The following PAXIP1 variants were observed in gnomAD, a reference collection of about 807,000 sequenced individuals.
PAXIP1 encodes the protein PAX-interacting protein 1.
In PAXIP1, 19 loss-of-function variants were observed where a neutral mutation model predicts 140.6. That is an observed-to-expected ratio of 0.14 (90% CI 0.09 to 0.20). The LOEUF (loss-of-function observed/expected upper bound fraction) is 0.20. PAXIP1 is among the 10% of genes least tolerant of loss of function. The pLI is 1.00. For synonymous variants in PAXIP1, 442 were observed against 444.6 expected (o/e 0.99, Z 0.07); for missense variants, 920 against 1,208.6 (o/e 0.76, Z 3.54).
rs139285918 is a variant in PAXIP1, at chr7:154,960,670, T to A, written c.2434+223A>T. Among the ~76,000 whole-genome samples, 112 of 151,080 alleles carry A rather than the reference T, an allele frequency of 7.4e-4. No individual in the cohort carries two copies. In the East Asian group the frequency reaches 0.018, roughly 24 times the overall value. On this transcript the variant is annotated intron_variant, in intron 12 of 20. Transcript: ENST00000404141. ...CAACCTGGGTGACAAAGCGAGACCC[T>A]GTCTCAAAACAAAAACAAAAACAAA...
chr7:154,990,739 CTT>C (rs1810292606), intron 4 of PAXIP1, among the ~76,000 whole-genome samples: 1 of 152,090 alleles, frequency 6.6e-6, no homozygotes, highest in Non-Finnish European at 1.5e-5. Context: ...TCCTTGTCAT[CTT>C]TTAATTTCAT....
At chr7:155,000,288 CACTTT>C (rs1468543567) in intron 1 of PAXIP1, 3 of 152,212 alleles carry the variant, frequency 2.0e-5, no homozygotes, top group Non-Finnish European at 4.4e-5. Flanking sequence ...GGCCATGGGC[CACTTT>C]ACCTTTCTTC....
In PAXIP1 at chr7:155,002,945, G is replaced by A. The variant is rs1563397760; in HGVS notation, c.-16C>T. 2 of 1,241,602 alleles carry A rather than the reference G, an allele frequency of 1.6e-6. No homozygotes were observed. The highest frequency in any genetic ancestry group is 2.1e-6 in the Non-Finnish European group (2 of 965,380). 76.9% of individuals were successfully genotyped at this position (1,241,602 alleles called of 1,614,324 possible). ...GGTCCGACATGATCGCGGCGGCCCG[G>A]GAGGCTCCGCGGCGGCGCCCGGCCC... On this transcript the variant is annotated 5_prime_UTR_variant, in exon 1 of 21. Coordinates refer to ENST00000404141, the MANE Select transcript of PAXIP1 (RefSeq NM_007349.4).
At chr7:154,993,218 C>T (rs967313756) in intron 3 of PAXIP1, among the ~76,000 whole-genome samples, 2 of 152,166 alleles carry the variant, frequency 1.3e-5, no homozygotes, top group Admixed American at 1.3e-4. Context: ...ACGAACAATG[C>T]AAGCAAGGAA....
chr7:154,968,556 TCTG>T lies in PAXIP1; in HGVS notation c.1642_1644del (p.Gln548del), dbSNP rs141168451. 1,166 of 668,552 alleles carry T rather than the reference TCTG, an allele frequency of 1.7e-3. 1 individual carries two copies. Among genetic ancestry groups the T allele is most frequent in the South Asian group, 2.5e-3 (147 of 58,644 alleles). 41.4% of individuals were successfully genotyped at this position (668,552 alleles called of 1,614,324 possible). Reference sequence around the variant, plus strand: ...AAGTGTGGCGCTGTCTGACTTTGCATCTGCTGCTGCTGCTGCTGCTGGTGCATG... The same window carrying T: ...AAGTGTGGCGCTGTCTGACTTTGCATCTGCTGCTGCTGCTGCTGGTGCATG... On this transcript the variant is annotated inframe_deletion, in exon 7 of 21. Transcript: ENST00000404141.
chr7:154,954,729 C>CA lies in PAXIP1; in HGVS notation c.2653-307dup, dbSNP rs1308061152. Among the ~76,000 whole-genome samples, 2 of 152,180 alleles carry CA rather than the reference C, an allele frequency of 1.3e-5. No individual in the cohort carries two copies. Among genetic ancestry groups the CA allele is most frequent in the Non-Finnish European group, 2.9e-5 (2 of 68,032 alleles). On this transcript the variant is annotated intron_variant, in intron 15 of 20. Transcript: ENST00000404141. This position sits in a 1 kb window ranked among gnomAD's most constrained non-coding sequence, Gnocchi z 5.1. Reference sequence around the variant, plus strand: ...TAAATGACATGAGAATGATGCAGCTCACTTCACAATGAAGAGTAAACAGCC... The same window carrying CA: ...TAAATGACATGAGAATGATGCAGCTCAACTTCACAATGAAGAGTAAACAGCC...
chr7:154,984,504 C>T (rs1450455124), intron 4 of PAXIP1, among the ~76,000 whole-genome samples: 3 of 152,204 alleles, frequency 2.0e-5, no homozygotes, highest in Admixed American at 6.5e-5. Context: ...TGTTCATCTA[C>T]TCTCATCCAT....
At chr7:154,995,312 A>G (rs969472770) in intron 2 of PAXIP1, among the ~76,000 whole-genome samples, 3 of 152,172 alleles carry the variant, frequency 2.0e-5, no homozygotes, top group South Asian at 2.1e-4. Flanking sequence ...CCTTACAACC[A>G]TCCACACAGC....
intron 2 of PAXIP1, among the ~76,000 whole-genome samples, chr7:154,996,645 C>A (rs572325930): frequency 1.3e-5 from 2 of 152,178 alleles, no homozygotes; most frequent in Admixed American, 1.3e-4. Flanking sequence ...GCAGCAGCTA[C>A]CGGCAGTGAC....
At chr7:154,944,409 T>C (rs2150733509) in intron 20 of PAXIP1, 1 of 390,738 alleles carries the variant, frequency 2.6e-6, no homozygotes, top group Non-Finnish European at 4.7e-6. Context: ...GTATCCACCA[T>C]GCGGCCAGAA....
intron 5 of PAXIP1, among the ~76,000 whole-genome samples, chr7:154,980,351 C>T (rs533751810): frequency 2.2e-4 from 34 of 151,466 alleles, no homozygotes; most frequent in African/African-American, 5.6e-4. Flanking sequence ...ATCTTTTTTT[C>T]GCAGCCGCTA....
chr7:154,988,337 G>C (rs999561413), intron 4 of PAXIP1, among the ~76,000 whole-genome samples: 1 of 152,128 alleles, frequency 6.6e-6, no homozygotes, highest in African/African-American at 2.4e-5. Flanking sequence ...TCGCAATCCA[G>C]ACCAATGCCA....
chr7:154,945,580 A>G (rs958338997), intron 20 of PAXIP1: 8 of 985,096 alleles, frequency 8.1e-6, no homozygotes, highest in Non-Finnish European at 9.6e-6. Context: ...TGAGGTTGAC[A>G]CTGGTCAGAG....
chr7:155,002,787 G>A, intron 1 of PAXIP1, 62 bp downstream of exon 1: 5 of 963,646 alleles, frequency 5.2e-6, no homozygotes, highest in Non-Finnish European at 7.0e-6. Context: ...GACGGGGACG[G>A]GGACGGGGAC....
intron 5 of PAXIP1, among the ~76,000 whole-genome samples, chr7:154,981,194 T>C (rs1809826283): frequency 6.6e-6 from 1 of 152,132 alleles, no homozygotes; most frequent in Admixed American, 6.5e-5. Context: ...TGGGTGTCTG[T>C]GTTTCAGTTT....
chr7:154,963,585 C>T lies in PAXIP1; in HGVS notation c.1989+86G>A. ...TTTAGAGGTAGAAAAAAGTTCTTTC[C>T]AAAAATAATAATCACTAGCATTTAA... On this transcript the variant is annotated intron_variant, in intron 9 of 20. Transcript: ENST00000404141. This position sits in a 1 kb window ranked among gnomAD's most constrained non-coding sequence, Gnocchi z 4.1. The T allele has an allele frequency of 1.1e-6, 1 of 930,144 alleles. No individual in the cohort carries two copies. The highest frequency in any genetic ancestry group is 1.5e-5 in the South Asian group (1 of 65,536). The allele number at this position is 930,144 out of a possible 1,614,324, so 57.6% of individuals were successfully genotyped here.
At chr7:155,001,104 C>G (rs1008950366) in intron 1 of PAXIP1, 1 of 152,212 alleles carries the variant, frequency 6.6e-6, no homozygotes, top group East Asian at 1.9e-4. Context: ...TTATAATCCA[C>G]AGTCATAAGA....
chr7:154,997,237 T>C lies in PAXIP1; in HGVS notation c.216+1413A>G, dbSNP rs905753855. 1.3e-4 allele frequency among the ~76,000 whole-genome samples: 20 copies of C among 152,192 alleles called. 1 individual carries two copies. Among genetic ancestry groups the C allele is most frequent in the Admixed American group, 1.3e-3 (20 of 15,278 alleles). ...GACTTAATGGCAATCTTTCTATTTT[T>C]TTCCCTTTTTCTTTTTGTTTAAGAG... On this transcript the variant is annotated intron_variant, in intron 2 of 20. Transcript: ENST00000404141.
At chr7:154,944,275 C>T in intron 20 of PAXIP1, 111 bp from the exon 21 acceptor site, 1 of 909,420 alleles carries the variant, frequency 1.1e-6, no homozygotes, top group Non-Finnish European at 1.7e-6. Flanking sequence ...AGGAATGCTA[C>T]AGCCTCTTTC....
Sources: allele counts gnomAD v4.1 joint callset (sites outside exome capture counted in the v4.1 genomes callset), GRCh38; gene constraint gnomAD v4.1.1; non-coding constraint Gnocchi (gnomAD v3.1); transcripts MANE v1.5; gene names NCBI Gene and HGNC (gene_info 2026-07-23, HGNC 2026-07-21).